Variants in N4BP2L2 observed in about 807,000 individuals in gnomAD.
N4BP2L2 encodes the protein NEDD4 binding protein 2 like 2, also known as NEDD4-binding protein 2-like 2.
In N4BP2L2, 50 loss-of-function variants were observed where a neutral mutation model predicts 56.2. The ratio of observed to expected loss-of-function variants is 0.89; its 90% confidence interval spans 0.71 to 1.13. The LOEUF (loss-of-function observed/expected upper bound fraction) is 1.13. Among genes scored for constraint, N4BP2L2 ranks in the 50% most tolerant of loss-of-function variants. The pLI, the probability that N4BP2L2 is intolerant of heterozygous loss-of-function variation, is 0.00. For missense variants in N4BP2L2, 689 were observed against 693.8 expected, an observed-to-expected ratio of 0.99 and a Z score of 0.08; for synonymous variants, 203 against 223.6, an observed-to-expected ratio of 0.91 and a Z score of 0.82.
intron 6 of N4BP2L2, among the ~76,000 whole-genome samples, chr13:32,502,391 A>G (rs1055005800): frequency 3.9e-5 from 6 of 152,016 alleles, no homozygotes; most frequent in Non-Finnish European, 7.4e-5. Context: ...GCTAACTACT[A>G]TAAAACTGGG....
intron 1 of N4BP2L2, among the ~76,000 whole-genome samples, chr13:32,538,080 G>GC (rs1566203361): frequency 7.4e-6 from 1 of 135,844 alleles, no homozygotes; most frequent in African/African-American, 2.7e-5. Context: ...TGGGGGGGGG[G>GC]GGCGGTTACT....
At chr13:32,461,982 C>T (rs576256214) in intron 6 of N4BP2L2, among the ~76,000 whole-genome samples, 1 of 152,314 alleles carries the variant, frequency 6.6e-6, no homozygotes, top group East Asian at 1.9e-4. Flanking sequence ...AACTCTCATA[C>T]ACTGTTGTTG....
At chr13:32,528,964 T>C (rs2053872905) in intron 2 of N4BP2L2, among the ~76,000 whole-genome samples, 1 of 152,226 alleles carries the variant, frequency 6.6e-6, no homozygotes, top group Non-Finnish European at 1.5e-5. Context: ...GCATATAAAC[T>C]ATGCACATCC....
chr13:32,442,134 G>C (rs960013086), intron 7 of N4BP2L2, among the ~76,000 whole-genome samples: 25 of 152,234 alleles, frequency 1.6e-4, no homozygotes, highest in South Asian at 8.3e-4. Context: ...ATTCTTCCCA[G>C]TATCTATTGA....
rs577582487 is a variant in N4BP2L2 at position 32,488,164 on chromosome 13, T to C, written c.365+29693A>G. ...TTTTATGTTCTGTACCATTATACTA[T>C]ACAGCTACGTTAGGTTGGATTCAGA... On this transcript the variant is annotated intron_variant, in intron 6 of 9. Transcript: ENST00000357505. Among the ~76,000 whole-genome samples, 5 of 152,314 alleles carry C rather than the reference T, an allele frequency of 3.3e-5. No homozygotes were observed. In the South Asian group the frequency reaches 6.2e-4, roughly 19 times the overall value.
downstream of N4BP2L2, among the ~76,000 whole-genome samples, chr13:32,509,936 C>T (rs1206576455): frequency 2.0e-5 from 3 of 151,972 alleles, no homozygotes; most frequent in Non-Finnish European, 4.4e-5. Flanking sequence ...TTTAAGTTGA[C>T]TAAAACAAAA....
chr13:32,456,223 TAACA>T (rs1200441134), intron 6 of N4BP2L2, among the ~76,000 whole-genome samples: 2 of 152,144 alleles, frequency 1.3e-5, no homozygotes, highest in East Asian at 3.9e-4. Flanking sequence ...CAACTTCCAC[TAACA>T]AACTCAGCCT....
intron 6 of N4BP2L2, among the ~76,000 whole-genome samples, chr13:32,460,768 T>C (rs2079900581): frequency 6.6e-6 from 1 of 151,914 alleles, no homozygotes; most frequent in Non-Finnish European, 1.5e-5. Context: ...AAAGAGAGTG[T>C]GAATAGCCAA....
At chr13:32,523,985 A>C (rs2051874516) in intron 3 of N4BP2L2, 1 of 152,220 alleles carries the variant, frequency 6.6e-6, no homozygotes, top group African/African-American at 2.4e-5. Flanking sequence ...AGCAAAATGC[A>C]AAGATGTGGA....
At chr13:32,464,387 T>C (rs531948604) in intron 6 of N4BP2L2, among the ~76,000 whole-genome samples, 9 of 152,114 alleles carry the variant, frequency 5.9e-5, no homozygotes, top group Non-Finnish European at 1.2e-4. Context: ...AGGGGGAAAA[T>C]ATGTTTGTGT....
chr13:32,525,973 C>A (rs1336038756), intron 3 of N4BP2L2, among the ~76,000 whole-genome samples: 1 of 137,166 alleles, frequency 7.3e-6, no homozygotes, highest in Non-Finnish European at 1.5e-5. Flanking sequence ...TGTCCCTGTG[C>A]AGCTACTGAT....
chr13:32,435,293 G>A (rs974928353), intron 9 of N4BP2L2, among the ~76,000 whole-genome samples: 2 of 151,964 alleles, frequency 1.3e-5, no homozygotes, highest in African/African-American at 4.8e-5. Flanking sequence ...GAGTGCAGTG[G>A]GGCGATCTCA....
downstream of N4BP2L2, chr13:32,507,613 C>T (rs990194612): frequency 6.6e-5 from 10 of 151,934 alleles, no homozygotes; most frequent in East Asian, 1.9e-4. Flanking sequence ...GAAGAGTAGA[C>T]GAGAAGAGCA....
At chr13:32,438,256 AAAAAAG>A in intron 8 of N4BP2L2, among the ~76,000 whole-genome samples, 1 of 152,224 alleles carries the variant, frequency 6.6e-6, no homozygotes, top group East Asian at 1.9e-4. Flanking sequence ...ATTCAGCCAT[AAAAAAG>A]AATGAAATCC....
intron 5 of N4BP2L2, among the ~76,000 whole-genome samples, chr13:32,520,621 T>G (rs1233434089): frequency 6.8e-6 from 1 of 147,110 alleles, no homozygotes; most frequent in African/African-American, 2.5e-5. Flanking sequence ...ATTGCACCAC[T>G]GCACTCCAGC....
At position 32,442,800 on chromosome 13, in the gene N4BP2L2, C is replaced by T. The variant is rs985158861; in HGVS notation, c.1692G>A (p.Leu564=). 13 of 1,613,520 alleles carry T rather than the reference C, an allele frequency of 8.1e-6. No individual in the cohort carries two copies. In the Admixed American group the frequency reaches 1.8e-4, roughly 23 times the overall value. ...CAGAGCACCTTAGTCTGTTAAATGA[C>T]AGGCAATGAGAATAACGCTGTCCAT... is the stretch of plus-strand genomic sequence containing the variant. Residue 564 remains leucine, a synonymous_variant, in exon 7 of 10, where the codon CTG becomes CTA. Coordinates refer to the N4BP2L2 transcript ENST00000357505.
chr13:32,480,846 C>T (rs557903007), intron 6 of N4BP2L2, among the ~76,000 whole-genome samples: 29 of 152,044 alleles, frequency 1.9e-4, no homozygotes, highest in Middle Eastern at 3.4e-3. Flanking sequence ...AGGCCAGGCA[C>T]GGTGACTCAC....
intron 2 of N4BP2L2, among the ~76,000 whole-genome samples, chr13:32,533,935 A>G (rs2055769027): frequency 6.6e-6 from 1 of 152,256 alleles, no homozygotes; most frequent in African/African-American, 2.4e-5. Context: ...GGTACAGACC[A>G]GGATCCTTGA....
chr13:32,505,090 A>T (rs1054336918), intron 6 of N4BP2L2: 10 of 152,210 alleles, frequency 6.6e-5, no homozygotes, highest in African/African-American at 2.4e-4. Flanking sequence ...TTGACTCCTC[A>T]GGCCTGAGCC....
Sources: allele counts gnomAD v4.1 joint callset (sites outside exome capture counted in the v4.1 genomes callset), GRCh38; gene constraint gnomAD v4.1.1; transcripts MANE v1.5; gene names NCBI Gene and HGNC (gene_info 2026-07-23, HGNC 2026-07-21).